Variants in CA10 observed in about 807,000 individuals in gnomAD.
CA10 encodes carbonic anhydrase 10 (inactive), also known as carbonic anhydrase-related protein 10.
In CA10, 14 loss-of-function variants were observed where a neutral mutation model predicts 44.2. The observed-to-expected ratio is 0.32, with a 90% CI of 0.21 to 0.50. The LOEUF is 0.50. CA10 is among the 20% of genes least tolerant of loss of function. CA10 has a pLI of 0.99. For missense variants in CA10, 350 were observed against 409.7 expected (o/e 0.85, Z 1.26); for synonymous variants, 159 against 141.6 (o/e 1.12, Z -0.87).
chr17:51,995,458 A>T (rs544810536), intron 2 of CA10, among the ~76,000 whole-genome samples: 1 of 152,118 alleles, frequency 6.6e-6, no homozygotes, highest in South Asian at 2.1e-4. Flanking sequence ...TAACTAAATA[A>T]TTGAAATTTG....
At chr17:51,777,533 G>C (rs150093160) in intron 3 of CA10, among the ~76,000 whole-genome samples, 7 of 152,272 alleles carry the variant, frequency 4.6e-5, no homozygotes, top group Non-Finnish European at 7.3e-5. Context: ...CCAATCCCCT[G>C]TGTATACTGA....
chr17:51,700,464 G>A (rs1407953077), intron 4 of CA10, among the ~76,000 whole-genome samples: 1 of 152,074 alleles, frequency 6.6e-6, no homozygotes, highest in Non-Finnish European at 1.5e-5. Context: ...GGCCACATTG[G>A]CCTCCTTGGT....
chr17:51,928,937 A>G (rs1432411311), intron 3 of CA10, among the ~76,000 whole-genome samples: 2 of 152,212 alleles, frequency 1.3e-5, no homozygotes, highest in Admixed American at 6.5e-5. Context: ...AAAAGGAACC[A>G]TCAGACAGTT....
intron 2 of CA10, among the ~76,000 whole-genome samples, chr17:52,013,565 A>C (rs1985875408): frequency 6.6e-6 from 1 of 151,942 alleles, no homozygotes; most frequent in African/African-American, 2.4e-5. Flanking sequence ...ACATATAGAA[A>C]AATTTAAAAG....
chr17:52,022,690 A>G (rs1986181004), intron 2 of CA10, among the ~76,000 whole-genome samples: 2 of 152,108 alleles, frequency 1.3e-5, no homozygotes, highest in African/African-American at 2.4e-5. Flanking sequence ...TGATGACATG[A>G]TTTTATATCT....
intron 4 of CA10, among the ~76,000 whole-genome samples, chr17:51,694,956 C>T (rs1481919790): frequency 6.6e-6 from 1 of 152,152 alleles, no homozygotes; most frequent in Admixed American, 6.6e-5. Context: ...TGTTGCATAT[C>T]AGTTAGCCAT....
chr17:51,651,198 T>G (rs1297900893), intron 5 of CA10, among the ~76,000 whole-genome samples: 1 of 152,124 alleles, frequency 6.6e-6, no homozygotes, highest in South Asian at 2.1e-4. Context: ...GGCAGAGAGT[T>G]CAGAAGGAGG....
chr17:51,873,401 T>C (rs1979907134), intron 3 of CA10, among the ~76,000 whole-genome samples: 2 of 152,150 alleles, frequency 1.3e-5, no homozygotes, highest in Admixed American at 1.3e-4. Flanking sequence ...CTTCACAGAG[T>C]GCAGTGCATT....
chr17:51,664,053 G>C (rs1914117025), intron 4 of CA10, among the ~76,000 whole-genome samples: 1 of 152,112 alleles, frequency 6.6e-6, no homozygotes, highest in Non-Finnish European at 1.5e-5. Flanking sequence ...CCACTGTACT[G>C]GTATGTGTAG....
chr17:52,073,692 C>T (rs1437835549), intron 1 of CA10, among the ~76,000 whole-genome samples: 1 of 152,184 alleles, frequency 6.6e-6, no homozygotes, highest in Non-Finnish European at 1.5e-5. Flanking sequence ...CTTATTGCCC[C>T]TGTGGTGTGG....
chr17:51,886,841 C>G (rs1980623989), intron 3 of CA10, among the ~76,000 whole-genome samples: 1 of 152,150 alleles, frequency 6.6e-6, no homozygotes, highest in Non-Finnish European at 1.5e-5. Flanking sequence ...TCTTCTCTCA[C>G]CCTGGGATTT....
At chr17:51,953,928 C>T (rs1983574580) in intron 2 of CA10, among the ~76,000 whole-genome samples, 1 of 152,054 alleles carries the variant, frequency 6.6e-6, no homozygotes, top group South Asian at 2.1e-4. Flanking sequence ...CTCAGTGCTC[C>T]AAGAAAGTTA....
chr17:51,947,196 T>C (rs1983311268), intron 2 of CA10, among the ~76,000 whole-genome samples: 1 of 142,238 alleles, frequency 7.0e-6, no homozygotes, highest in African/African-American at 2.6e-5. Context: ...CAATGCAACA[T>C]CTTGATTTTG....
intron 4 of CA10, among the ~76,000 whole-genome samples, chr17:51,689,404 C>T (rs946484921): frequency 6.6e-6 from 1 of 152,128 alleles, no homozygotes; most frequent in Non-Finnish European, 1.5e-5. Context: ...TTCATGGCAT[C>T]AAACACGCCC....
At chr17:51,688,080 T>C (rs1027161882) in intron 4 of CA10, among the ~76,000 whole-genome samples, 3 of 152,198 alleles carry the variant, frequency 2.0e-5, no homozygotes, top group African/African-American at 4.8e-5. Flanking sequence ...TGCAATGTCA[T>C]GTGAACACTC....
intron 4 of CA10, among the ~76,000 whole-genome samples, chr17:51,746,536 AT>A (rs1220927176): frequency 1.3e-5 from 2 of 152,162 alleles, no homozygotes; most frequent in Non-Finnish European, 2.9e-5. Flanking sequence ...TTCAAGCAAA[AT>A]TTACCACTTC....
chr17:51,893,951 T>G (rs2143915034), intron 3 of CA10, among the ~76,000 whole-genome samples: 1 of 152,220 alleles, frequency 6.6e-6, no homozygotes, highest in South Asian at 2.1e-4. Flanking sequence ...AATAAAAAAT[T>G]TAGAATTCAA....
intron 1 of CA10, among the ~76,000 whole-genome samples, chr17:52,097,916 G>T (rs1488767790): frequency 6.6e-6 from 1 of 152,144 alleles, no homozygotes; most frequent in East Asian, 1.9e-4. Context: ...AAACTTGCCT[G>T]CAATAAGTAT....
At chr17:52,157,667 T>G (rs1989836558) in intron 1 of CA10, 59 bp downstream of exon 1, 1 of 1,496,238 alleles carries the variant, frequency 6.7e-7, no homozygotes, top group Admixed American at 1.7e-5. Flanking sequence ...TAAAACCCCA[T>G]ACACCCCAGA....
Sources: allele counts gnomAD v4.1 joint callset (sites outside exome capture counted in the v4.1 genomes callset), GRCh38; gene constraint gnomAD v4.1.1; transcripts MANE v1.5; gene names NCBI Gene and HGNC (gene_info 2026-07-23, HGNC 2026-07-21).